The following FAM184B variants were observed in gnomAD, a reference collection of about 807,000 sequenced individuals.
FAM184B encodes family with sequence similarity 184 member B.
FAM184B carries 111 observed loss-of-function variants against 135.9 expected under a neutral mutation model. The observed-to-expected ratio is 0.82, with a 90% CI of 0.70 to 0.96. The LOEUF is 0.96. Among genes scored for constraint, FAM184B ranks in the 40% least tolerant of loss-of-function variants. FAM184B has a pLI of 0.00. For missense variants in FAM184B, 1,375 were observed against 1,323.9 expected (o/e 1.04, Z -0.60); for synonymous variants, 552 against 524.8 (o/e 1.05, Z -0.71).
At chr4:17,640,947 T>C (rs1715291992) in intron 13 of FAM184B, among the ~76,000 whole-genome samples, 1 of 152,250 alleles carries the variant, frequency 6.6e-6, no homozygotes, top group East Asian at 1.9e-4. Flanking sequence ...TTTGTTTTGT[T>C]TTTTGAGACA....
chr4:17,727,152 C>A (rs1222548546), intron 1 of FAM184B, among the ~76,000 whole-genome samples: 1 of 152,182 alleles, frequency 6.6e-6, no homozygotes, highest in Non-Finnish European at 1.5e-5. Flanking sequence ...TCACTGAACA[C>A]CAACTTCAGA....
chr4:17,634,027 AT>A (rs1160002103), intron 16 of FAM184B, 139 bp from the exon 17 acceptor site: 69 of 589,082 alleles, frequency 1.2e-4, no homozygotes, highest in Non-Finnish European at 1.2e-4. Context: ...CTTACATGCT[AT>A]TTTTTAAAGC....
chr4:17,745,019 C>T (rs1235827878), intron 1 of FAM184B, among the ~76,000 whole-genome samples: 1 of 152,204 alleles, frequency 6.6e-6, no homozygotes, highest in East Asian at 1.9e-4. Context: ...AAAGACCTTA[C>T]AGCCCTTCTG....
intron 1 of FAM184B, among the ~76,000 whole-genome samples, chr4:17,712,303 G>C (rs1451883688): frequency 6.6e-6 from 1 of 152,136 alleles, no homozygotes; most frequent in African/African-American, 2.4e-5. Context: ...GGAGATAAGG[G>C]GGTCAAAGAC....
intron 1 of FAM184B, among the ~76,000 whole-genome samples, chr4:17,770,557 G>A (rs1718797410): frequency 6.6e-6 from 1 of 151,966 alleles, no homozygotes; most frequent in Non-Finnish European, 1.5e-5. Context: ...TCCGCCTCCC[G>A]GGTTCAAGTG....
intron 3 of FAM184B, among the ~76,000 whole-genome samples, chr4:17,706,944 C>CG (rs1717134233): frequency 6.6e-6 from 1 of 151,944 alleles, no homozygotes; most frequent in African/African-American, 2.4e-5. Context: ...CCTCACTGTG[C>CG]TTGGCTAATT....
At chr4:17,741,466 G>A (rs1273205301) in intron 1 of FAM184B, among the ~76,000 whole-genome samples, 1 of 152,050 alleles carries the variant, frequency 6.6e-6, no homozygotes, top group Non-Finnish European at 1.5e-5. Context: ...GGCCGAGGCA[G>A]GTGGATCACC....
At chr4:17,713,698 T>C (rs1194079846) in intron 1 of FAM184B, among the ~76,000 whole-genome samples, 2 of 152,072 alleles carry the variant, frequency 1.3e-5, no homozygotes, top group African/African-American at 4.8e-5. Context: ...GTTTGAGTAA[T>C]GCTGAAGCAC....
intron 7 of FAM184B, among the ~76,000 whole-genome samples, chr4:17,666,305 C>CT (rs71167320): frequency 0.052 from 6,798 of 131,212 alleles, 590 homozygotes; most frequent in African/African-American, 0.17. Context: ...CCCTGGAATT[C>CT]TTTTTTTTTT....
At chr4:17,647,862 T>C in intron 11 of FAM184B, 71 bp from the exon 12 acceptor site, 3 of 1,468,906 alleles carry the variant, frequency 2.0e-6, no homozygotes, top group South Asian at 1.3e-5. Flanking sequence ...GGGACAACAG[T>C]CTCTGGGGTG....
chr4:17,635,007 A>G lies in FAM184B; in HGVS notation c.2889+2T>C, dbSNP rs1349687717. On this transcript the variant is annotated splice_donor_variant, in intron 16 of 17. Transcript: ENST00000265018. LOFTEE classifies it high-confidence loss of function. ...GCATTAAAACCATTAGAACCAATTT[A>G]CCTTCATGGAAGGGGTCAAATATCC... 4 of 1,549,228 alleles carry G rather than the reference A, an allele frequency of 2.6e-6. No individual in the cohort carries two copies. The highest frequency in any genetic ancestry group is 2.0e-5 in the Admixed American group (1 of 50,976).
At chr4:17,659,475 T>G (rs1715860989) in intron 9 of FAM184B, among the ~76,000 whole-genome samples, 1 of 151,530 alleles carries the variant, frequency 6.6e-6, no homozygotes, top group South Asian at 2.1e-4. Flanking sequence ...TGAGTGCTCA[T>G]TAGCACAACA....
At chr4:17,708,714 CTGTGTG>C (rs71167327) in intron 2 of FAM184B, among the ~76,000 whole-genome samples, 172 bp downstream of exon 2, 4 of 57,054 alleles carry the variant, frequency 7.0e-5, no homozygotes, top group Non-Finnish European at 1.2e-4. Flanking sequence ...TATATAGTGT[CTGTGTG>C]TGTGTGTGTG....
At chr4:17,691,119 T>C (rs1246866822) in intron 6 of FAM184B, among the ~76,000 whole-genome samples, 1 of 152,130 alleles carries the variant, frequency 6.6e-6, no homozygotes, top group African/African-American at 2.4e-5. Flanking sequence ...CAACATACCA[T>C]ACTAGAGGCA....
rs1481389969 is a variant in FAM184B, at chr4:17,695,114, C to T, written c.1378-1702G>A. The stretch of plus-strand genomic sequence containing the variant: ...GGTAAGACTAACCAGTGAGGAGTGA[C>T]GTGGTTGCAATTATATTTGGATAAG... On this transcript the variant is annotated intron_variant, in intron 5 of 17. Transcript: ENST00000265018. 7.3e-5 allele frequency among the ~76,000 whole-genome samples: 11 copies of T among 151,166 alleles called. No individual in the cohort carries two copies. The South Asian group carries it at 8.4e-4, about 12-fold the overall frequency.
intron 1 of FAM184B, among the ~76,000 whole-genome samples, chr4:17,737,973 A>G (rs1236601638): frequency 6.6e-6 from 1 of 152,226 alleles, no homozygotes; most frequent in Non-Finnish European, 1.5e-5. Context: ...AAAATGGCAT[A>G]ACAGCTGGAT....
chr4:17,643,601 T>G (rs1170248249), intron 12 of FAM184B, among the ~76,000 whole-genome samples: 1 of 152,164 alleles, frequency 6.6e-6, no homozygotes, highest in Non-Finnish European at 1.5e-5. Flanking sequence ...ATCTAAACAC[T>G]TAATGGAACA....
At chr4:17,667,870 A>T (rs147301144) in intron 7 of FAM184B, among the ~76,000 whole-genome samples, 53 of 152,232 alleles carry the variant, frequency 3.5e-4, no homozygotes, top group Admixed American at 2.2e-3. Context: ...CGCTCACCTT[A>T]TTGGCCAGGG....
chr4:17,679,866 G>A (rs1716396688), intron 7 of FAM184B, among the ~76,000 whole-genome samples: 1 of 152,144 alleles, frequency 6.6e-6, no homozygotes, highest in Admixed American at 6.5e-5. Flanking sequence ...GAAAATAATG[G>A]CATTTGCAGC....
Sources: allele counts gnomAD v4.1 joint callset (sites outside exome capture counted in the v4.1 genomes callset), GRCh38; gene constraint gnomAD v4.1.1; transcripts MANE v1.5; gene names NCBI Gene and HGNC (gene_info 2026-07-23, HGNC 2026-07-21).